ZNF527: variants seen among roughly 807,000 people sequenced by gnomAD.
ZNF527 encodes zinc finger protein 527.
ZNF527 carries 5 observed loss-of-function variants against 13.5 expected under a neutral mutation model. The observed-to-expected ratio is 0.37, with a 90% CI of 0.19 to 0.78. ZNF527 has a LOEUF of 0.78. ZNF527 is among the 30% of genes least tolerant of loss of function. The pLI, the probability that ZNF527 is intolerant of heterozygous loss-of-function variation, is 0.48. For synonymous variants in ZNF527, 209 were observed against 243.1 expected, an observed-to-expected ratio of 0.86 and a Z score of 1.30; for missense variants, 628 against 726.4, an observed-to-expected ratio of 0.86 and a Z score of 1.56.
rs1642741579 is a variant in ZNF527, at chr19:37,388,647, T to G, written c.598T>G (p.Phe200Val). ...TAAATTTGATATTTATGATAAACTCTTCCCCCAAAATTCAGTCATAATTGA... is the reference window on the plus strand; with the variant it reads ...TAAATTTGATATTTATGATAAACTCGTCCCCCAAAATTCAGTCATAATTGA... ...VHKFDIYDKL[F>V]PQNSVIIEYK... Residue 200 changes from phenylalanine (F) to valine (V), a missense_variant, in exon 5 of 5, where the codon TTC becomes GTC. This residue lies in a region of ZNF527 where 592 missense variants were observed against 678.0 expected (regional missense o/e 0.87). Transcript: ENST00000436120. 1.2e-6 allele frequency: 2 copies of G among 1,613,496 alleles called. No homozygotes were observed. Among genetic ancestry groups the G allele is most frequent in the Non-Finnish European group, 1.7e-6 (2 of 1,179,820 alleles).
At position 37,388,636 on chromosome 19, in the gene ZNF527, A is replaced by G; in HGVS notation, c.587A>G (p.Tyr196Cys). 1 of 1,613,796 alleles carries G rather than the reference A, an allele frequency of 6.2e-7. No homozygotes were observed. Among genetic ancestry groups the G allele is most frequent in the Non-Finnish European group, 8.5e-7 (1 of 1,179,904 alleles). ...CAGCAAGTACATAAATTTGATATTT[A>G]TGATAAACTCTTCCCCCAAAATTCA... ...TIQQVHKFDI[Y>C]DKLFPQNSVI... Residue 196 changes from tyrosine to cysteine, a missense_variant, in exon 5 of 5, where the codon TAT becomes TGT. Physicochemically the swap from Tyr to Cys is radical, Grantham distance 194 (BLOSUM62 -2). Coordinates refer to ENST00000436120, the MANE Select transcript of ZNF527 (RefSeq NM_032453.2).
intron 4 of ZNF527, among the ~76,000 whole-genome samples, chr19:37,386,151 T>TC (rs1476440044): frequency 2.2e-5 from 3 of 136,738 alleles, no homozygotes; most frequent in Non-Finnish European, 4.7e-5. Flanking sequence ...TTTTTTTTTT[T>TC]TTTTTTTTTT....
At chr19:37,386,624 C>CTAT (rs2040702186) in intron 4 of ZNF527, among the ~76,000 whole-genome samples, 1 of 152,136 alleles carries the variant, frequency 6.6e-6, no homozygotes. Flanking sequence ...TATTGGATAG[C>CTAT]ACAGCTCTAT....
chr19:37,385,598 A>G (rs2146819425), intron 4 of ZNF527: 1 of 354,898 alleles, frequency 2.8e-6, no homozygotes, highest in South Asian at 1.5e-4. Context: ...ATTTAAAATA[A>G]TTTTCTTAAG....
intron 1 of ZNF527, 114 bp from the exon 2 acceptor site, chr19:37,374,044 A>T: frequency 1.4e-6 from 1 of 703,640 alleles, no homozygotes; most frequent in Non-Finnish European, 2.5e-6. Flanking sequence ...ATCTTGGAAA[A>T]GGTGAGGCTG....
At chr19:37,387,108 C>T (rs1221139136) in intron 4 of ZNF527, among the ~76,000 whole-genome samples, 2 of 152,148 alleles carry the variant, frequency 1.3e-5, no homozygotes, top group East Asian at 3.9e-4. Flanking sequence ...TTGTTCTGAC[C>T]TATACTGGAG....
Position 37,391,588 on chromosome 19 carries a change from AAAAT to A in ZNF527, c.*1734_*1737del, listed in dbSNP as rs1568701035. 1 of 132,066 alleles carries A rather than the reference AAAAT, an allele frequency of 7.6e-6. No individual in the cohort carries two copies. The highest frequency in any genetic ancestry group is 1.6e-5 in the Non-Finnish European group (1 of 61,448). The allele number at this position is 132,066 out of a possible 1,614,324, so 8.2% of individuals were successfully genotyped here. On this transcript the variant is annotated 3_prime_UTR_variant, in exon 5 of 5. Coordinates refer to ENST00000436120, the MANE Select transcript of ZNF527 (RefSeq NM_032453.2). Reference sequence around the variant, plus strand: ...CCTTCTCAAAAAAAAAAAAAAAAAAAAAATAAATAAATAAATAAATAAATAAATT... The same window carrying A: ...CCTTCTCAAAAAAAAAAAAAAAAAAAAAATAAATAAATAAATAAATAAATT...
At position 37,374,225 on chromosome 19, in the gene ZNF527, G is replaced by A; in HGVS notation, c.27G>A (p.Met9Ile). MAVGLCKA[M>I]SQGLVTFRDV... ...TGGCTGTGGGGCTTTGTAAAGCCATGTCCCAGGTAAGCATGCTCTTTCACT... is the reference window on the plus strand; with the variant it reads ...TGGCTGTGGGGCTTTGTAAAGCCATATCCCAGGTAAGCATGCTCTTTCACT... The change falls in exon 2 of 5, where the codon ATG becomes ATA. Residue 9 changes from methionine (M) to isoleucine (I), a missense_variant. Coordinates refer to ENST00000436120, the MANE Select transcript of ZNF527 (RefSeq NM_032453.2). The A allele has an allele frequency of 6.2e-7, 1 of 1,614,114 alleles. No individual in the cohort carries two copies. Among genetic ancestry groups the A allele is most frequent in the East Asian group, 2.2e-5 (1 of 44,882 alleles).
In ZNF527 at chr19:37,389,665, C is replaced by G. The variant is rs376499783; in HGVS notation, c.1616C>G (p.Ser539Ter). ...TGTGGAAAGGCCTTCAGTTGTGGCT[C>G]ATATCTTAATCAACATCAAAGAATT... ...NKCGKAFSCG[S>*]YLNQHQRIHT... is the part of the protein sequence containing the mutation. Residue 539 changes from serine to a stop codon, truncating the protein, a stop_gained, in exon 5 of 5, where the codon TCA becomes TGA. Transcript: ENST00000436120. LOFTEE classifies it low-confidence loss of function (END_TRUNC). 2 of 1,613,908 alleles carry G rather than the reference C, an allele frequency of 1.2e-6. No homozygotes were observed. Among genetic ancestry groups the G allele is most frequent in the Non-Finnish European group, 1.7e-6 (2 of 1,179,970 alleles).
rs1382196689 is a variant in ZNF527, at chr19:37,392,226, A to T, written c.*2347A>T. 1 of 151,980 alleles carries T rather than the reference A, an allele frequency of 6.6e-6. No individual in the cohort carries two copies. The highest frequency in any genetic ancestry group is 1.5e-5 in the Non-Finnish European group (1 of 67,998). 9.4% of individuals were successfully genotyped at this position (151,980 alleles called of 1,614,324 possible). On this transcript the variant is annotated 3_prime_UTR_variant, in exon 5 of 5. Coordinates refer to ENST00000436120, the MANE Select transcript of ZNF527 (RefSeq NM_032453.2). ...TCATCATTTCTTTATTTTTTATTAT[A>T]TTTCCTGGAGGTATAAGGATATTTA...
chr19:37,388,370 A>G lies in ZNF527; in HGVS notation c.321A>G (p.Ile107Met), dbSNP rs2040717148. Residue 107 changes from isoleucine to methionine, a missense_variant, in exon 5 of 5, where the codon ATA becomes ATG. Transcript: ENST00000436120. ...AATGGTTCATTGATGAAGATGAAAT[A>G]TCCCAGGAGATGGTAATGGAAAGGC... The part of the protein sequence containing the change: ...SPKWFIDEDE[I>M]SQEMVMERLA... 1 of 1,614,036 alleles carries G rather than the reference A, an allele frequency of 6.2e-7. No individual in the cohort carries two copies. Among genetic ancestry groups the G allele is most frequent in the African/African-American group, 1.3e-5 (1 of 74,930 alleles).
chr19:37,380,451 T>G, intron 4 of ZNF527, 79 bp downstream of exon 4: 2 of 1,209,344 alleles, frequency 1.7e-6, no homozygotes, highest in Non-Finnish European at 2.4e-6. Context: ...GTTTTGAGCT[T>G]CAGGTGGGAT....
rs2040744283 is a variant in ZNF527, at chr19:37,390,577, A to T, written c.*698A>T. 6.6e-6 allele frequency: 1 copy of T among 152,130 alleles called. No individual in the cohort carries two copies. The highest frequency in any genetic ancestry group is 2.4e-5 in the African/African-American group (1 of 41,426). 9.4% of individuals were successfully genotyped at this position (152,130 alleles called of 1,614,324 possible). On this transcript the variant is annotated 3_prime_UTR_variant, in exon 5 of 5. Coordinates refer to ENST00000436120, the MANE Select transcript of ZNF527 (RefSeq NM_032453.2). Reference sequence around the variant, plus strand: ...CAAGTTTCAAGGATTTAATAAGATTAAAAACTCACCAGTAGCCTTTTTGCC... The same window carrying T: ...CAAGTTTCAAGGATTTAATAAGATTTAAAACTCACCAGTAGCCTTTTTGCC...
At chr19:37,371,512 G>T (rs2040556453) in intron 1 of ZNF527, among the ~76,000 whole-genome samples, 1 of 152,162 alleles carries the variant, frequency 6.6e-6, no homozygotes, top group Non-Finnish European at 1.5e-5. Context: ...TGCAGGTGTA[G>T]CTGTGTATGT....
At chr19:37,373,434 T>G (rs2040574775) in intron 1 of ZNF527, among the ~76,000 whole-genome samples, 1 of 152,244 alleles carries the variant, frequency 6.6e-6, no homozygotes, top group Non-Finnish European at 1.5e-5. Flanking sequence ...GTAAAATTTA[T>G]TTATTCATTT....
intron 4 of ZNF527, among the ~76,000 whole-genome samples, chr19:37,386,688 G>A (rs1212476455): frequency 1.3e-5 from 2 of 152,214 alleles, no homozygotes; most frequent in Non-Finnish European, 2.9e-5. Flanking sequence ...AAAGATAGTG[G>A]TTGGAGCTCC....
Position 37,388,540 on chromosome 19 carries a change from A to C in ZNF527, c.491A>C (p.Glu164Ala), listed in dbSNP as rs774349011. ...KEISTGKRDN[E>A]FSNSGRSIPL... Reference sequence around the variant, plus strand: ...ATCTCTACTGGGAAAAGAGACAATGAATTTAGTAATTCTGGGAGAAGCATA... The same window carrying C: ...ATCTCTACTGGGAAAAGAGACAATGCATTTAGTAATTCTGGGAGAAGCATA... Residue 164 changes from glutamate to alanine, a missense_variant, in exon 5 of 5, where the codon GAA (glutamate) becomes GCA (alanine). Coordinates refer to ENST00000436120, the MANE Select transcript of ZNF527 (RefSeq NM_032453.2). 2.5e-6 allele frequency: 4 copies of C among 1,614,060 alleles called. No individual in the cohort carries two copies. The South Asian group carries it at 4.4e-5, about 18-fold the overall frequency.
chr19:37,380,184 T>C (rs766795718), intron 3 of ZNF527, 93 bp from the exon 4 acceptor site: 2 of 1,537,758 alleles, frequency 1.3e-6, no homozygotes, highest in South Asian at 1.3e-5. Context: ...GATCAAGATA[T>C]TGGGTCTGCG....
intron 4 of ZNF527, among the ~76,000 whole-genome samples, chr19:37,386,783 G>C (rs2040703579): frequency 6.6e-6 from 1 of 152,154 alleles, no homozygotes; most frequent in African/African-American, 2.4e-5. Context: ...GTTAGTTATT[G>C]TATAAATCTG....
Sources: gnomAD v4.1 joint callset for allele counts (sites outside exome capture counted in the v4.1 genomes callset) on GRCh38, gnomAD v4.1.1 for gene constraint, gnomAD v4.1.1 regional missense constraint, MANE v1.5 for transcripts, NCBI Gene and HGNC (gene_info 2026-07-23, HGNC 2026-07-21) for gene names.